Variants in CNTN4 observed in about 807,000 individuals in gnomAD.
CNTN4 encodes contactin-4.
Under a neutral mutation model 122.5 loss-of-function variants are expected in CNTN4, and 77 were observed. The observed-to-expected ratio is 0.63, with a 90% CI of 0.52 to 0.76. CNTN4 has a LOEUF of 0.76. CNTN4 is among the 30% of genes least tolerant of loss of function. The probability of loss-of-function intolerance (pLI) is 0.00; values close to 1 mark genes in which losing one functional copy is unlikely to be tolerated. For missense variants in CNTN4, 1,256 were observed against 1,259.1 expected, an observed-to-expected ratio of 1.00 and a Z score of 0.04; for synonymous variants, 512 against 447.0, an observed-to-expected ratio of 1.15 and a Z score of -1.83.
chr3:2,438,205 A>G (rs2048320549), intron 3 of CNTN4, among the ~76,000 whole-genome samples: 1 of 152,086 alleles, frequency 6.6e-6, no homozygotes, highest in South Asian at 2.1e-4. Context: ...TAGAATTTTC[A>G]GGATATTCCT....
chr3:2,566,709 T>C (rs1054515286), intron 3 of CNTN4, among the ~76,000 whole-genome samples: 1 of 152,202 alleles, frequency 6.6e-6, no homozygotes, highest in South Asian at 2.1e-4. Context: ...GTAAGAAAGA[T>C]AGGGCTTCTG....
At chr3:2,382,331 A>G (rs1009399153) in intron 3 of CNTN4, among the ~76,000 whole-genome samples, 1 of 151,808 alleles carries the variant, frequency 6.6e-6, no homozygotes. Context: ...TAATTTTTGT[A>G]CTTTTAGTAG....
intron 6 of CNTN4, among the ~76,000 whole-genome samples, chr3:2,785,817 C>T (rs542991702): frequency 2.0e-5 from 3 of 151,738 alleles, no homozygotes; most frequent in East Asian, 2.0e-4. Flanking sequence ...AGCCTGGACT[C>T]ATGGCCCAAA....
intron 2 of CNTN4, among the ~76,000 whole-genome samples, chr3:2,336,831 A>G (rs968070505): frequency 3.3e-5 from 5 of 152,072 alleles, no homozygotes; most frequent in African/African-American, 9.7e-5. Context: ...GGTTTTCTCT[A>G]AAGTCTTATT....
chr3:2,109,634 A>G (rs1380862756), intron 2 of CNTN4, among the ~76,000 whole-genome samples: 1 of 152,206 alleles, frequency 6.6e-6, no homozygotes, highest in Non-Finnish European at 1.5e-5. Flanking sequence ...AAACAAAACA[A>G]TGATATGACT....
chr3:2,337,773 A>G (rs558125218), intron 2 of CNTN4, among the ~76,000 whole-genome samples: 99 of 152,068 alleles, frequency 6.5e-4, no homozygotes, highest in African/African-American at 2.3e-3. Flanking sequence ...AAAAATATAT[A>G]TGACAAATTT....
chr3:2,449,853 A>G (rs945450279), intron 3 of CNTN4, among the ~76,000 whole-genome samples: 1 of 152,194 alleles, frequency 6.6e-6, no homozygotes. Context: ...ACAGGAGTCC[A>G]AATACTATAT....
At chr3:2,764,339 T>A (rs1433280109) in intron 6 of CNTN4, among the ~76,000 whole-genome samples, 4 of 152,318 alleles carry the variant, frequency 2.6e-5, no homozygotes, top group African/African-American at 9.6e-5. Context: ...AGAAAATGAT[T>A]GTAACTGAGA....
chr3:2,964,614 T>A (rs759346249), intron 13 of CNTN4, among the ~76,000 whole-genome samples: 1 of 152,190 alleles, frequency 6.6e-6, no homozygotes, highest in East Asian at 1.9e-4. Flanking sequence ...ATATGTGACA[T>A]AGCTGCTGAC....
intron 2 of CNTN4, among the ~76,000 whole-genome samples, chr3:2,237,212 TGAA>T (rs1306558025): frequency 6.6e-6 from 1 of 151,906 alleles, no homozygotes; most frequent in African/African-American, 2.4e-5. Context: ...GTGGTGAAGA[TGAA>T]GAGATGTGAA....
At position 2,583,560 on chromosome 3, in the gene CNTN4, A is replaced by C. The variant is rs530652711; in HGVS notation, c.55+12002A>C. 1.6e-3 allele frequency among the ~76,000 whole-genome samples: 243 copies of C among 152,366 alleles called. 1 individual carries two copies. Among genetic ancestry groups the C allele is most frequent in the African/African-American group, 4.8e-3 (201 of 41,596 alleles). On this transcript the variant is annotated intron_variant, in intron 4 of 24. Transcript: ENST00000418658. ...TTAGTATTTGATTGGCTTTGTCAAA[A>C]GATTTCAGATAGTGGTTTTGGGGAA...
At chr3:2,227,540 C>T (rs986002699) in intron 2 of CNTN4, among the ~76,000 whole-genome samples, 2 of 152,096 alleles carry the variant, frequency 1.3e-5, no homozygotes, top group African/African-American at 4.8e-5. Context: ...ATGCCTTGAC[C>T]TTTTGACCAA....
intron 2 of CNTN4, among the ~76,000 whole-genome samples, chr3:2,242,639 A>G (rs1043451177): frequency 6.6e-6 from 1 of 152,200 alleles, no homozygotes; most frequent in African/African-American, 2.4e-5. Flanking sequence ...TTGAATAGTC[A>G]GTTCAATCTT....
intron 14 of CNTN4, among the ~76,000 whole-genome samples, chr3:2,995,342 CA>C (rs1414896789): frequency 5.9e-5 from 9 of 152,304 alleles, no homozygotes; most frequent in Admixed American, 4.6e-4. Context: ...GTAGATTGAG[CA>C]AATAACATGC....
intron 2 of CNTN4, among the ~76,000 whole-genome samples, chr3:2,304,950 A>G (rs1379663642): frequency 2.0e-5 from 3 of 151,886 alleles, no homozygotes; most frequent in African/African-American, 7.3e-5. Flanking sequence ...TTTATTCATA[A>G]GCCACTAATA....
intron 6 of CNTN4, among the ~76,000 whole-genome samples, chr3:2,752,882 C>T (rs1330668369): frequency 6.6e-6 from 1 of 152,150 alleles, no homozygotes; most frequent in African/African-American, 2.4e-5. Flanking sequence ...ATTCGTCTTT[C>T]TTTGCTTGGC....
Position 2,841,633 on chromosome 3 carries a change from T to A in CNTN4, c.454+22052T>A, listed in dbSNP as rs535576805. 2.7e-4 allele frequency among the ~76,000 whole-genome samples: 41 copies of A among 152,306 alleles called. No homozygotes were observed. The highest frequency in any genetic ancestry group is 8.3e-4 in the South Asian group (4 of 4,824). ...AACCCTTTGTGAAGAAATCTTTTAA[T>A]TTTTTGTGGGTCAGAGGCTCTTTGT... On this transcript the variant is annotated intron_variant, in intron 7 of 24. Transcript: ENST00000418658. The surrounding 1 kb of genome is among the most constrained non-coding windows in gnomAD (Gnocchi z 4.8).
At chr3:2,759,864 T>G (rs76566244) in intron 6 of CNTN4, among the ~76,000 whole-genome samples, 2,064 of 152,302 alleles carry the variant, frequency 0.014, 50 homozygotes, top group African/African-American at 0.047. Context: ...TTTTTTAGTT[T>G]TAGTCAACCT....
At chr3:2,289,981 A>G (rs1018394330) in intron 2 of CNTN4, among the ~76,000 whole-genome samples, 32 of 152,062 alleles carry the variant, frequency 2.1e-4, no homozygotes, top group African/African-American at 7.2e-4. Flanking sequence ...AGTATTTAGT[A>G]TTTTTTAGAT....
Sources: allele counts gnomAD v4.1 joint callset (sites outside exome capture counted in the v4.1 genomes callset), GRCh38; gene constraint gnomAD v4.1.1; non-coding constraint Gnocchi (gnomAD v3.1); transcripts MANE v1.5; gene names NCBI Gene and HGNC (gene_info 2026-07-23, HGNC 2026-07-21).